Variants in BTBD9 observed in about 807,000 individuals in gnomAD.
BTBD9 encodes the protein BTB/POZ domain-containing protein 9.
BTBD9 carries 49 observed loss-of-function variants against 64.3 expected under a neutral mutation model. The observed-to-expected ratio is 0.76, with a 90% CI of 0.61 to 0.97. The LOEUF (loss-of-function observed/expected upper bound fraction) is 0.97. Among genes scored for constraint, BTBD9 ranks in the 50% least tolerant of loss-of-function variants. The probability of loss-of-function intolerance (pLI) is 0.00; values close to 1 mark genes in which losing one functional copy is unlikely to be tolerated. For missense variants in BTBD9, 598 were observed against 762.1 expected (o/e 0.78, Z 2.53); for synonymous variants, 260 against 274.7 (o/e 0.95, Z 0.53).
At chr6:38,508,141 C>T (rs557054641) in intron 6 of BTBD9, among the ~76,000 whole-genome samples, 15 of 152,116 alleles carry the variant, frequency 9.9e-5, no homozygotes, top group African/African-American at 2.9e-4. Context: ...CCATGTCTCC[C>T]AAATCTTTAG....
chr6:38,423,070 G>A (rs1378688249), intron 6 of BTBD9, among the ~76,000 whole-genome samples: 1 of 152,082 alleles, frequency 6.6e-6, no homozygotes, highest in African/African-American at 2.4e-5. Flanking sequence ...TTCGAGATCA[G>A]CATGGCCAAC....
At chr6:38,328,241 G>A (rs998812537) in intron 7 of BTBD9, among the ~76,000 whole-genome samples, 13 of 152,106 alleles carry the variant, frequency 8.5e-5, no homozygotes, top group African/African-American at 2.9e-4. Flanking sequence ...ATTATGGACT[G>A]AACTGTGTCC....
intron 7 of BTBD9, among the ~76,000 whole-genome samples, chr6:38,339,637 A>G (rs1316143821): frequency 1.3e-5 from 2 of 152,230 alleles, no homozygotes; most frequent in Non-Finnish European, 2.9e-5. Flanking sequence ...GATAACAACA[A>G]CAACAAACTA....
At chr6:38,265,943 G>T (rs148899912) in intron 8 of BTBD9, among the ~76,000 whole-genome samples, 1 of 152,310 alleles carries the variant, frequency 6.6e-6, no homozygotes, top group East Asian at 1.9e-4. Flanking sequence ...ATACATGGCT[G>T]CAGCTGCAAT....
intron 9 of BTBD9, among the ~76,000 whole-genome samples, chr6:38,228,351 C>CA (rs1554130232): frequency 0.11 from 3,189 of 28,488 alleles, 272 homozygotes; most frequent in African/African-American, 0.17. Context: ...TCCCCCCCCC[C>CA]AAAAAAAAAA....
intron 9 of BTBD9, among the ~76,000 whole-genome samples, chr6:38,234,790 AG>A (rs1763722827): frequency 6.6e-6 from 1 of 152,206 alleles, no homozygotes; most frequent in Non-Finnish European, 1.5e-5. Context: ...TTTTCAGCCC[AG>A]GGATTTTTAT....
At chr6:38,451,795 A>G (rs1769566096) in intron 6 of BTBD9, among the ~76,000 whole-genome samples, 3 of 152,066 alleles carry the variant, frequency 2.0e-5, no homozygotes, top group African/African-American at 7.2e-5. Flanking sequence ...GTAACCATCA[A>G]ATTTCTAATA....
chr6:38,521,720 G>A (rs1773278365), intron 6 of BTBD9, among the ~76,000 whole-genome samples: 1 of 152,014 alleles, frequency 6.6e-6, no homozygotes, highest in South Asian at 2.1e-4. Context: ...TGTCACCCAG[G>A]CTGGAGTGCA....
intron 6 of BTBD9, among the ~76,000 whole-genome samples, chr6:38,380,246 G>T (rs987644101): frequency 6.6e-6 from 1 of 151,782 alleles, no homozygotes; most frequent in Non-Finnish European, 1.5e-5. Flanking sequence ...TCCAGACAAA[G>T]AAAAATAAAA....
At chr6:38,290,873 C>A (rs532017715) in intron 7 of BTBD9, among the ~76,000 whole-genome samples, 90 of 152,236 alleles carry the variant, frequency 5.9e-4, no homozygotes, top group African/African-American at 2.1e-3. Flanking sequence ...AAACATTAAG[C>A]CTGGATGAAA....
chr6:38,252,083 A>G (rs539548430), intron 9 of BTBD9, among the ~76,000 whole-genome samples: 32 of 152,272 alleles, frequency 2.1e-4, no homozygotes, highest in African/African-American at 6.5e-4. Flanking sequence ...ACTATAGCAG[A>G]CTTAGGAGAA....
intron 6 of BTBD9, among the ~76,000 whole-genome samples, chr6:38,369,789 A>G (rs142509894): frequency 1.3e-5 from 2 of 152,300 alleles, no homozygotes; most frequent in Non-Finnish European, 2.9e-5. Context: ...TGGGCCAATC[A>G]GGTTCTATTT....
At chr6:38,526,640 T>C (rs1773510425) in intron 6 of BTBD9, among the ~76,000 whole-genome samples, 1 of 152,208 alleles carries the variant, frequency 6.6e-6, no homozygotes, top group South Asian at 2.1e-4. Context: ...GTGCACCCCT[T>C]GCATCAGTCA....
At chr6:38,287,434 C>T (rs1250620090) in intron 8 of BTBD9, among the ~76,000 whole-genome samples, 2 of 151,900 alleles carry the variant, frequency 1.3e-5, no homozygotes, top group African/African-American at 4.8e-5. Flanking sequence ...CATGAGGCAC[C>T]GTGCCCAGGC....
chr6:38,298,043 G>A (rs1405429035), intron 7 of BTBD9, among the ~76,000 whole-genome samples: 2 of 151,440 alleles, frequency 1.3e-5, no homozygotes, highest in African/African-American at 2.4e-5. Flanking sequence ...TTTTAGTACA[G>A]ACGGGGTTTC....
chr6:38,389,824 T>G (rs187195236), intron 6 of BTBD9, among the ~76,000 whole-genome samples: 62 of 152,372 alleles, frequency 4.1e-4, no homozygotes, highest in Admixed American at 1.3e-3. Flanking sequence ...ATATTTTCTC[T>G]CTGGCTTCTG....
At chr6:38,436,271 C>G (rs111485394) in intron 6 of BTBD9, among the ~76,000 whole-genome samples, 1 of 151,786 alleles carries the variant, frequency 6.6e-6, no homozygotes, top group Non-Finnish European at 1.5e-5. Flanking sequence ...AAATCTCCCA[C>G]GCTACTTTCT....
intron 6 of BTBD9, among the ~76,000 whole-genome samples, chr6:38,398,950 C>T (rs1033169046): frequency 2.6e-5 from 4 of 152,092 alleles, no homozygotes; most frequent in African/African-American, 9.7e-5. Flanking sequence ...TGTTTCATAA[C>T]ACTAAGAGAG....
At position 38,426,503 on chromosome 6, in the gene BTBD9, G is replaced by A. The variant is rs188709074; in HGVS notation, c.1155-81410C>T. On this transcript the variant is annotated intron_variant, in intron 6 of 10. Transcript: ENST00000481247. ...TTCTGGCCCGTGTTTGTTAGGGCTC[G>A]AGCTGAGCTTTTGCTCGCCATCCAC... 2.4e-4 allele frequency among the ~76,000 whole-genome samples: 37 copies of A among 151,934 alleles called. 1 individual carries two copies. The highest frequency in any genetic ancestry group is 7.3e-4 in the African/African-American group (30 of 41,282).
Sources: gnomAD v4.1 joint callset for allele counts (sites outside exome capture counted in the v4.1 genomes callset) on GRCh38, gnomAD v4.1.1 for gene constraint, MANE v1.5 for transcripts, NCBI Gene and HGNC (gene_info 2026-07-23, HGNC 2026-07-21) for gene names.